Variants in FEZF1 observed in about 807,000 individuals in gnomAD.
FEZF1 encodes fez family zinc finger protein 1.
In FEZF1, 8 loss-of-function variants were observed where a neutral mutation model predicts 32.4. The ratio of observed to expected loss-of-function variants is 0.25; its 90% CI spans 0.15 to 0.45. FEZF1 has a LOEUF of 0.45. Among genes scored for constraint, FEZF1 ranks in the 20% least tolerant of loss-of-function variants. The pLI, the probability that FEZF1 is intolerant of heterozygous loss-of-function variation, is 1.00. For missense variants in FEZF1, 546 were observed against 622.3 expected (o/e 0.88, Z 1.31); for synonymous variants, 259 against 265.2 (o/e 0.98, Z 0.23).
rs1209634863 is a variant in FEZF1, at chr7:122,302,365, A to G, written c.1070-10T>C. 6.2e-7 allele frequency: 1 copy of G among 1,613,356 alleles called. No homozygotes were observed. Among genetic ancestry groups the G allele is most frequent in the African/African-American group, 1.3e-5 (1 of 74,394 alleles). Reference sequence around the variant, plus strand: ...TGGTTTTTGTAATTCCCTGAAACACACAAATGACAGGAATATGGTTCTGAA... The same window carrying G: ...TGGTTTTTGTAATTCCCTGAAACACGCAAATGACAGGAATATGGTTCTGAA... On this transcript the variant is annotated splice_polypyrimidine_tract_variant and intron_variant, in intron 3 of 3. Transcript: ENST00000442488. This position sits in a 1 kb window ranked among gnomAD's most constrained non-coding sequence, Gnocchi z 4.4.
chr7:122,302,232 T>C lies in FEZF1; in HGVS notation c.1193A>G (p.Lys398Arg), dbSNP rs1563041237. 1 of 1,614,150 alleles carries C rather than the reference T, an allele frequency of 6.2e-7. No individual in the cohort carries two copies. Among genetic ancestry groups the C allele is most frequent in the Non-Finnish European group, 8.5e-7 (1 of 1,180,012 alleles). Residue 398 changes from lysine (K) to arginine (R), a missense_variant, in exon 4 of 4, where the codon AAG becomes AGG. Lys to Arg is a conservative substitution (Grantham distance 26). Around this residue, in one of 3 missense-constraint regions of FEZF1, gnomAD observed 118 missense variants for 188.7 expected, o/e 0.63. Transcript: ENST00000442488. The surrounding 1 kb of genome is among the most constrained non-coding windows in gnomAD (Gnocchi z 4.4). ...GCCGCACGTGGGGCAGGTGAAAGGC[T>C]TCTTGTCGTTGTGGGTGTGCATGTG... The part of the protein sequence containing the change: ...TFHMHTHNDK[K>R]PFTCPTCGKG...
At position 122,302,458 on chromosome 7, in the gene FEZF1, C is replaced by G. The variant is rs572074961; in HGVS notation, c.1070-103G>C. ...TAGCGCCAGGCAAGCAGAAGAGCCGCCACAGGTCCCACAACAAGTGCAGGG... is the reference window on the plus strand; with the variant it reads ...TAGCGCCAGGCAAGCAGAAGAGCCGGCACAGGTCCCACAACAAGTGCAGGG... On this transcript the variant is annotated intron_variant, in intron 3 of 3. Transcript: ENST00000442488. This position sits in a 1 kb window ranked among gnomAD's most constrained non-coding sequence, Gnocchi z 4.4. The G allele has an allele frequency of 6.6e-7, 1 of 1,509,302 alleles. No homozygotes were observed. Among genetic ancestry groups the G allele is most frequent in the Admixed American group, 2.1e-5 (1 of 48,440 alleles). 93.5% of individuals were successfully genotyped at this position (1,509,302 alleles called of 1,614,324 possible).
chr7:122,309,217 G>C (rs2031361433), upstream of FEZF1, among the ~76,000 whole-genome samples: 1 of 152,136 alleles, frequency 6.6e-6, no homozygotes, highest in African/African-American at 2.4e-5. Flanking sequence ...TAGTTTGGTA[G>C]CAAATAAAGA....
upstream of FEZF1, chr7:122,308,624 T>C (rs902967051): frequency 6.6e-6 from 1 of 152,236 alleles, no homozygotes; most frequent in Non-Finnish European, 1.5e-5. Flanking sequence ...TTCCTTGATA[T>C]GTCACAAAAT....
Position 122,303,831 on chromosome 7 carries a change from T to G in FEZF1, c.607A>C (p.Lys203Gln). 1 of 1,614,232 alleles carries G rather than the reference T, an allele frequency of 6.2e-7. No homozygotes were observed. The highest frequency in any genetic ancestry group is 8.5e-7 in the Non-Finnish European group (1 of 1,180,050). Reference protein sequence around the residue: ...QPKTYLAERNKLVVPAVEKYP... With the variant: ...QPKTYLAERNQLVVPAVEKYP... ...TTCTCCACCGCCGGGACCACCAGTTTATTCCTTTCGGCTAAATACGTTTTT... is the reference window on the plus strand; with the variant it reads ...TTCTCCACCGCCGGGACCACCAGTTGATTCCTTTCGGCTAAATACGTTTTT... Residue 203 changes from lysine to glutamine, a missense_variant, in exon 1 of 4, where the codon AAA (lysine) becomes CAA (glutamine). This residue lies in a region of FEZF1 where 345 missense variants were observed against 360.6 expected (regional missense o/e 0.96). Coordinates refer to ENST00000442488, the MANE Select transcript of FEZF1 (RefSeq NM_001024613.4).
upstream of FEZF1, among the ~76,000 whole-genome samples, chr7:122,307,875 A>G (rs538411264): frequency 1.8e-4 from 28 of 152,368 alleles, no homozygotes; most frequent in Middle Eastern, 6.8e-3. Context: ...AATTAGTAAT[A>G]CTATCTCTAT....
chr7:122,307,725 C>T (rs1043065612), upstream of FEZF1, among the ~76,000 whole-genome samples: 1 of 152,264 alleles, frequency 6.6e-6, no homozygotes, highest in Non-Finnish European at 1.5e-5. Context: ...TGAGTTAACA[C>T]AAATATGGCA....
chr7:122,303,602 G>A (rs1407926055), intron 1 of FEZF1, 35 bp downstream of exon 1: 1 of 1,455,220 alleles, frequency 6.9e-7, no homozygotes, highest in South Asian at 1.2e-5. Flanking sequence ...AGGAAGGGAG[G>A]GAAGGAAAGG....
exon 1 of FEZF1, chr7:122,310,666 T>C (rs533619863): frequency 4.0e-4 from 61 of 152,286 alleles, no homozygotes; most frequent in African/African-American, 1.4e-3. Flanking sequence ...GGCGCTGCCT[T>C]CGATCAGGTC....
Position 122,304,322 on chromosome 7 carries a change from C to T in FEZF1, c.116G>A (p.Arg39His), listed in dbSNP as rs1456810779. The T allele has an allele frequency of 1.2e-6, 2 of 1,612,944 alleles. No homozygotes were observed. Among genetic ancestry groups the T allele is most frequent in the Admixed American group, 1.7e-5 (1 of 59,894 alleles). ...LAFSIERIMA[R>H]TPEPKALPVP... ...TGGCAGGGCCTTGGGCTCTGGGGTG[C>T]GCGCCATGATTCGTTCAATGGAGAA... The change falls in exon 1 of 4, where the codon CGC becomes CAC. Residue 39 changes from arginine to histidine, a missense_variant. Physicochemically the swap from Arg to His is conservative, Grantham distance 29. Around this residue, in one of 3 missense-constraint regions of FEZF1, gnomAD observed 345 missense variants for 360.6 expected, o/e 0.96. Transcript: ENST00000442488.
upstream of FEZF1, chr7:122,305,769 G>C (rs1280277671): frequency 6.6e-6 from 1 of 152,326 alleles, no homozygotes; most frequent in Non-Finnish European, 1.5e-5. Context: ...GCAGGCGGCA[G>C]CCTGGATGTC....
Position 122,301,860 on chromosome 7 carries a change from C to G in FEZF1, c.*137G>C. ...GCAAGAGGCGAAAGGCCAGGGGATG[C>G]AGAGGCTTCTGGTCGGCCCTGAAGT... On this transcript the variant is annotated 3_prime_UTR_variant, in exon 4 of 4. Coordinates refer to ENST00000442488, the MANE Select transcript of FEZF1 (RefSeq NM_001024613.4). The G allele has an allele frequency of 8.1e-7, 1 of 1,234,694 alleles. No homozygotes were observed. The highest frequency in any genetic ancestry group is 1.1e-6 in the Non-Finnish European group (1 of 905,356). 76.5% of individuals were successfully genotyped at this position (1,234,694 alleles called of 1,614,324 possible).
intron 2 of FEZF1, 60 bp downstream of exon 2, chr7:122,303,117 G>C: frequency 6.2e-7 from 1 of 1,607,856 alleles, no homozygotes; most frequent in Non-Finnish European, 8.5e-7. Flanking sequence ...GGTTTTATCG[G>C]CTGTTTTTCT....
At chr7:122,303,102 A>G in intron 2 of FEZF1, 75 bp downstream of exon 2, 1 of 1,599,742 alleles carries the variant, frequency 6.3e-7, no homozygotes. Context: ...TATCCTAAAG[A>G]GTAAGGTTTT....
rs181175428 is a variant in FEZF1 at position 122,303,345 on chromosome 7, G to A, written c.802-34C>T. 1.2e-4 allele frequency: 186 copies of A among 1,611,300 alleles called. 1 individual carries two copies. In the East Asian group the frequency reaches 3.4e-3, roughly 30 times the overall value. ...TAAACACACGTAGAACAGGTTAGCCGCACAAGTAACTTTGAAATCAAACCG... is the reference window on the plus strand; with the variant it reads ...TAAACACACGTAGAACAGGTTAGCCACACAAGTAACTTTGAAATCAAACCG... On this transcript the variant is annotated intron_variant, in intron 1 of 3. Coordinates refer to ENST00000442488, the MANE Select transcript of FEZF1 (RefSeq NM_001024613.4).
rs750318384 is a variant in FEZF1 at position 122,302,840 on chromosome 7, G to A, written c.1028C>T (p.Pro343Leu). The stretch of plus-strand genomic sequence containing the variant: ...TTTGCCACAGAATTCACACACAAAC[G>A]GTTTGTAGCCCGCGTGTATTCGGGT... ...THTRIHAGYKPFVCEFCGKGF... is the reference protein window; with the variant it reads ...THTRIHAGYKLFVCEFCGKGF... Residue 343 changes from proline to leucine, a missense_variant, in exon 3 of 4, where the codon CCG becomes CTG. Physicochemically the swap from Pro to Leu is moderately conservative, Grantham distance 98. Transcript: ENST00000442488. This position sits in a 1 kb window ranked among gnomAD's most constrained non-coding sequence, Gnocchi z 4.4. 3 of 1,614,030 alleles carry A rather than the reference G, an allele frequency of 1.9e-6. No individual in the cohort carries two copies. Among genetic ancestry groups the A allele is most frequent in the Non-Finnish European group, 1.7e-6 (2 of 1,180,008 alleles).
Position 122,303,692 on chromosome 7 carries a change from C to T in FEZF1, c.746G>A (p.Ser249Asn). The change falls in exon 1 of 4, where the codon AGC becomes AAC. Residue 249 changes from serine to asparagine, a missense_variant. Ser to Asn is a conservative substitution (Grantham distance 46). This residue lies in a region of FEZF1 where 345 missense variants were observed against 360.6 expected (regional missense o/e 0.96). Transcript: ENST00000442488. ...EKIAFKTSDF[S>N]RGSPNAKPKV... ...GGGCTTGGCATTAGGAGAGCCTCGG[C>T]TGAAATCCGAGGTTTTGAACGCGAT... is the stretch of plus-strand genomic sequence containing the variant. The T allele has an allele frequency of 1.9e-6, 3 of 1,614,162 alleles. No individual in the cohort carries two copies. Among genetic ancestry groups the T allele is most frequent in the Non-Finnish European group, 2.5e-6 (3 of 1,180,026 alleles).
At chr7:122,303,487 AAGG>A in intron 1 of FEZF1, 147 bp downstream of exon 1, 1 of 433,986 alleles carries the variant, frequency 2.3e-6, no homozygotes, top group East Asian at 3.6e-5. Context: ...GGAAGGAAGG[AAGG>A]AAGGAAGGAA....
rs867655977 is a variant in FEZF1, at chr7:122,302,089, G to T, written c.1336C>A (p.Pro446Thr). Reference sequence around the variant, plus strand: ...GGCAGCGTCATCGGCGGCTGCTGCGGTAGCGGGGGCGGCGGTTCAGTGCCT... The same window carrying T: ...GGCAGCGTCATCGGCGGCTGCTGCGTTAGCGGGGGCGGCGGTTCAGTGCCT... ...EPGTEPPPPL[P>T]QQPPMTLPPL... The change falls in exon 4 of 4, where the codon CCG (proline) becomes ACG (threonine). Residue 446 changes from proline (P) to threonine (T), a missense_variant. Transcript: ENST00000442488. This position sits in a 1 kb window ranked among gnomAD's most constrained non-coding sequence, Gnocchi z 4.4. 1.2e-6 allele frequency: 2 copies of T among 1,609,892 alleles called. No individual in the cohort carries two copies. The highest frequency in any genetic ancestry group is 1.7e-4 in the Middle Eastern group (1 of 6,028).
Sources: allele counts gnomAD v4.1 joint callset (sites outside exome capture counted in the v4.1 genomes callset), GRCh38; gene constraint gnomAD v4.1.1; regional missense constraint gnomAD v4.1.1; non-coding constraint Gnocchi (gnomAD v3.1); transcripts MANE v1.5; gene names NCBI Gene and HGNC (gene_info 2026-07-23, HGNC 2026-07-21).